GRIA1: variants seen among roughly 807,000 people sequenced by gnomAD.
GRIA1 encodes glutamate ionotropic receptor AMPA type subunit 1.
A neutral mutation model predicts 99.2 loss-of-function variants in GRIA1; 31 were observed. That is an observed-to-expected ratio of 0.31 (90% CI 0.23 to 0.42). GRIA1 has a LOEUF of 0.42. Among genes scored for constraint, GRIA1 ranks in the 10% least tolerant of loss-of-function variants. The pLI, the probability that GRIA1 is intolerant of heterozygous loss-of-function variation, is 1.00. For missense variants in GRIA1, 782 were observed against 1,157.5 expected (o/e 0.68, Z 4.71); for synonymous variants, 438 against 432.4 (o/e 1.01, Z -0.16).
intron 14 of GRIA1, among the ~76,000 whole-genome samples, chr5:153,794,999 T>C (rs1215683470): frequency 6.6e-6 from 1 of 152,154 alleles, no homozygotes; most frequent in Non-Finnish European, 1.5e-5. Context: ...TATGAGGACA[T>C]TGTGCCTGGA....
At chr5:153,616,482 C>T (rs898309277) in intron 2 of GRIA1, among the ~76,000 whole-genome samples, 5 of 149,626 alleles carry the variant, frequency 3.3e-5, no homozygotes, top group African/African-American at 7.3e-5. Flanking sequence ...AAAAAAAATT[C>T]GCAAAAAAAA....
chr5:153,660,712 A>G (rs1044585561), intron 5 of GRIA1, among the ~76,000 whole-genome samples: 1 of 152,208 alleles, frequency 6.6e-6, no homozygotes, highest in Non-Finnish European at 1.5e-5. Flanking sequence ...GCACTGAAGC[A>G]TTCACTTGTT....
intron 2 of GRIA1, among the ~76,000 whole-genome samples, chr5:153,567,772 A>T (rs75874187): frequency 0.013 from 1,910 of 152,278 alleles, 27 homozygotes; most frequent in African/African-American, 0.039. Context: ...GATGCACTTG[A>T]TGTGTTTGAG....
chr5:153,766,232 C>A lies in GRIA1; in HGVS notation c.2022+1600C>A, dbSNP rs2149610952. 1.3e-5 allele frequency among the ~76,000 whole-genome samples: 2 copies of A among 152,278 alleles called. 1 individual carries two copies. Among genetic ancestry groups the A allele is most frequent in the African/African-American group, 4.8e-5 (2 of 41,560 alleles). On this transcript the variant is annotated intron_variant, in intron 12 of 15. Transcript: ENST00000285900. Reference sequence around the variant, plus strand: ...CAGAGGCTGTCATTTTAGAGAGAGGCATTACTTGCTTAAGCTCACCCAGCC... The same window carrying A: ...CAGAGGCTGTCATTTTAGAGAGAGGAATTACTTGCTTAAGCTCACCCAGCC...
chr5:153,691,538 A>C (rs1478669416), intron 8 of GRIA1, among the ~76,000 whole-genome samples: 2 of 152,182 alleles, frequency 1.3e-5, no homozygotes, highest in Non-Finnish European at 2.9e-5. Context: ...CTGGGCAGGA[A>C]ACAAGACTAA....
At chr5:153,797,093 G>A (rs1344956619) in intron 14 of GRIA1, among the ~76,000 whole-genome samples, 2 of 152,202 alleles carry the variant, frequency 1.3e-5, no homozygotes, top group African/African-American at 4.8e-5. Context: ...AGGGACGTGA[G>A]TGGAGAAAGA....
At chr5:153,781,337 A>T (rs893928143) in intron 13 of GRIA1, among the ~76,000 whole-genome samples, 1 of 151,932 alleles carries the variant, frequency 6.6e-6, no homozygotes, top group African/African-American at 2.4e-5. Context: ...ATGGGAATAA[A>T]ATGTATTCCT....
chr5:153,504,365 AT>A (rs1241255658), intron 2 of GRIA1, among the ~76,000 whole-genome samples: 3 of 151,360 alleles, frequency 2.0e-5, no homozygotes, highest in Non-Finnish European at 4.4e-5. Flanking sequence ...TATATACACT[AT>A]CTATATATAG....
intron 12 of GRIA1, among the ~76,000 whole-genome samples, chr5:153,765,145 G>A (rs184388970): frequency 6.6e-6 from 1 of 152,264 alleles, no homozygotes; most frequent in African/African-American, 2.4e-5. Context: ...TGAAGTGGGA[G>A]TGGAGGTGGT....
intron 2 of GRIA1, among the ~76,000 whole-genome samples, chr5:153,518,713 T>C (rs1299424199): frequency 6.6e-6 from 1 of 152,190 alleles, no homozygotes; most frequent in Non-Finnish European, 1.5e-5. Context: ...TTTTTTTTCA[T>C]ATAATTGCCA....
intron 11 of GRIA1, among the ~76,000 whole-genome samples, chr5:153,719,681 C>T (rs1376971461): frequency 6.6e-6 from 1 of 152,030 alleles, no homozygotes; most frequent in African/African-American, 2.4e-5. Flanking sequence ...ATTGTCACAA[C>T]CCCAACCAGA....
At chr5:153,715,116 T>A (rs973169857) in intron 11 of GRIA1, among the ~76,000 whole-genome samples, 3 of 152,128 alleles carry the variant, frequency 2.0e-5, no homozygotes, top group African/African-American at 7.2e-5. Context: ...TGAGTCACTT[T>A]CTCTCTGTGT....
Position 153,811,197 on chromosome 5 carries a change from G to A in GRIA1, c.2693G>A (p.Gly898Glu), listed in dbSNP as rs752305430. 11 of 1,613,962 alleles carry A rather than the reference G, an allele frequency of 6.8e-6. No homozygotes were observed. The highest frequency in any genetic ancestry group is 1.3e-5 in the African/African-American group (1 of 74,908). Residue 898 changes from glycine (G) to glutamate (E), a missense_variant, in exon 16 of 16, where the codon GGG becomes GAG. Coordinates refer to ENST00000285900, the MANE Select transcript of GRIA1 (RefSeq NM_000827.4). ...QSIPCMSHSSGMPLGATGL is the reference protein window; with the variant it reads ...QSIPCMSHSSEMPLGATGL ...ATTCCTTGCATGAGCCACAGTTCAG[G>A]GATGCCCTTGGGAGCCACGGGATTG...
intron 2 of GRIA1, among the ~76,000 whole-genome samples, chr5:153,614,728 T>A (rs1199431784): frequency 1.3e-5 from 2 of 152,204 alleles, no homozygotes; most frequent in Non-Finnish European, 1.5e-5. Context: ...CATTTCTCTT[T>A]CTATGCAAAC....
chr5:153,692,931 C>A (rs867132374), intron 8 of GRIA1, among the ~76,000 whole-genome samples: 1 of 152,220 alleles, frequency 6.6e-6, no homozygotes. Context: ...AATAAAATAA[C>A]ACCTCAAGCA....
chr5:153,544,978 G>T (rs564777258), intron 2 of GRIA1, among the ~76,000 whole-genome samples: 1 of 152,096 alleles, frequency 6.6e-6, no homozygotes, highest in African/African-American at 2.4e-5. Flanking sequence ...AAAGCTTTTT[G>T]ATTTTTTTCT....
chr5:153,651,930 C>A lies in GRIA1; in HGVS notation c.645+1416C>A, dbSNP rs1754604578. Among the ~76,000 whole-genome samples, 6 of 152,178 alleles carry A rather than the reference C, an allele frequency of 3.9e-5. No individual in the cohort carries two copies. The South Asian group carries it at 1.2e-3, about 32-fold the overall frequency. On this transcript the variant is annotated intron_variant, in intron 4 of 15. Coordinates refer to ENST00000285900, the MANE Select transcript of GRIA1 (RefSeq NM_000827.4). Reference sequence around the variant, plus strand: ...GCTCTAGTATTTACTGGCTTTGTGACCTTGACCAGGTTTTTAATCTTTCTA... The same window carrying A: ...GCTCTAGTATTTACTGGCTTTGTGAACTTGACCAGGTTTTTAATCTTTCTA...
chr5:153,770,082 C>G (rs1763772931), intron 12 of GRIA1, 86 bp from the exon 13 acceptor site: 1 of 1,340,540 alleles, frequency 7.5e-7, no homozygotes, highest in Non-Finnish European at 1.1e-6. Flanking sequence ...AATGTGTGAT[C>G]AAGCTACACT....
chr5:153,736,959 A>T (rs181005466), intron 11 of GRIA1, among the ~76,000 whole-genome samples: 2 of 152,288 alleles, frequency 1.3e-5, no homozygotes, highest in East Asian at 3.9e-4. Flanking sequence ...TTCAGGGTGA[A>T]CTTGAACAAA....
Sources: allele counts gnomAD v4.1 joint callset (sites outside exome capture counted in the v4.1 genomes callset), GRCh38; gene constraint gnomAD v4.1.1; transcripts MANE v1.5; gene names NCBI Gene and HGNC (gene_info 2026-07-23, HGNC 2026-07-21).